Variants in RECK observed in about 807,000 individuals in gnomAD.
RECK encodes the protein reversion inducing cysteine rich protein with kazal motifs.
In RECK, 69 loss-of-function variants were observed where a neutral mutation model predicts 115.1. The ratio of observed to expected loss-of-function variants is 0.60; its 90% CI spans 0.49 to 0.73. RECK has a LOEUF of 0.73. Ranked by LOEUF, RECK falls within the 30% of genes least tolerant of loss-of-function variation. The pLI, the probability that RECK is intolerant of heterozygous loss-of-function variation, is 0.00. For synonymous variants in RECK, 414 were observed against 419.7 expected (o/e 0.99, Z 0.17); for missense variants, 1,047 against 1,203.7 (o/e 0.87, Z 1.93).
intron 10 of RECK, among the ~76,000 whole-genome samples, chr9:36,093,395 TAAAG>T (rs141332797): frequency 0.025 from 3,807 of 152,044 alleles, 171 homozygotes; most frequent in African/African-American, 0.086. Flanking sequence ...AATTAGCAGA[TAAAG>T]AATCTAATTA....
rs770279167 is a variant in RECK at position 36,087,912 on chromosome 9, G to A, written c.856G>A (p.Asp286Asn). 8 of 1,613,394 alleles carry A rather than the reference G, an allele frequency of 5.0e-6. No individual in the cohort carries two copies. Among genetic ancestry groups the A allele is most frequent in the African/African-American group, 4.0e-5 (3 of 74,866 alleles). The change falls in exon 9 of 21, where the codon GAT (aspartate) becomes AAT (asparagine). Residue 286 changes from aspartate (D) to asparagine (N), a missense_variant. Physicochemically the swap from Asp to Asn is conservative, Grantham distance 23. Transcript: ENST00000377966. ...ACACCCTCCTCCCTCTACAGGCCTC[G>A]ATGGGGCTAAATTGCATTGTTGTTC... is the stretch of plus-strand genomic sequence containing the variant. ...TVHPPPSTGL[D>N]GAKLHCCSKA...
intron 4 of RECK, among the ~76,000 whole-genome samples, chr9:36,062,636 C>T (rs1821822957): frequency 6.6e-6 from 1 of 151,840 alleles, no homozygotes; most frequent in African/African-American, 2.4e-5. Flanking sequence ...TGCCACCATG[C>T]CCAGCTAATT....
intron 12 of RECK, among the ~76,000 whole-genome samples, chr9:36,103,685 C>T (rs113319551): frequency 7.0e-4 from 106 of 152,188 alleles, no homozygotes; most frequent in African/African-American, 2.5e-3. Context: ...TGGTAGTATT[C>T]GCCATATTTT....
chr9:36,068,081 G>C (rs1038723194), intron 6 of RECK, among the ~76,000 whole-genome samples: 1 of 152,158 alleles, frequency 6.6e-6, no homozygotes. Flanking sequence ...ATTAATGAGA[G>C]GGTGATGATG....
chr9:36,049,725 A>G (rs1351269562), intron 1 of RECK, among the ~76,000 whole-genome samples: 3 of 152,210 alleles, frequency 2.0e-5, no homozygotes, highest in Non-Finnish European at 4.4e-5. Context: ...AGGCCAGTCA[A>G]ATTATTTATT....
chr9:36,082,245 G>A (rs991780521), intron 7 of RECK, among the ~76,000 whole-genome samples: 2 of 150,340 alleles, frequency 1.3e-5, no homozygotes, highest in Non-Finnish European at 3.0e-5. Context: ...GTGTGGTGGC[G>A]AGATCTTGGC....
chr9:36,067,730 T>A (rs900209290), intron 6 of RECK, among the ~76,000 whole-genome samples: 50 of 152,316 alleles, frequency 3.3e-4, no homozygotes, highest in African/African-American at 1.1e-3. Context: ...TAAGCAACTT[T>A]TAGCATAACT....
chr9:36,122,769 G>T, intron 20 of RECK, 55 bp from the exon 21 acceptor site: 1 of 1,432,978 alleles, frequency 7.0e-7, no homozygotes, highest in Non-Finnish European at 9.8e-7. Context: ...TGTCTGGCTT[G>T]ATGTTGAAAA....
intron 16 of RECK, among the ~76,000 whole-genome samples, chr9:36,115,187 C>T (rs1251353209): frequency 3.3e-5 from 5 of 151,952 alleles, no homozygotes; most frequent in African/African-American, 4.8e-5. Context: ...TGGTGGCACA[C>T]GCCTGTAATT....
intron 6 of RECK, among the ~76,000 whole-genome samples, chr9:36,075,283 T>C (rs1822405375): frequency 6.6e-6 from 1 of 152,258 alleles, no homozygotes; most frequent in South Asian, 2.1e-4. Flanking sequence ...TGTGCTAGGC[T>C]GTCTTCTAGA....
chr9:36,046,966 A>T (rs1821091262), intron 1 of RECK, among the ~76,000 whole-genome samples: 1 of 152,180 alleles, frequency 6.6e-6, no homozygotes, highest in Non-Finnish European at 1.5e-5. Flanking sequence ...TTCTGTTTGA[A>T]ATAGACCTTT....
At chr9:36,092,458 G>A (rs11788454) in intron 10 of RECK, among the ~76,000 whole-genome samples, 45,945 of 150,734 alleles carry the variant, frequency 0.3, 8,351 homozygotes, top group Middle Eastern at 0.47. Context: ...TGCAACCTCC[G>A]CCTCCTGGAT....
chr9:36,075,902 AT>A (rs140096111), intron 6 of RECK, among the ~76,000 whole-genome samples: 13,332 of 151,804 alleles, frequency 0.088, 717 homozygotes, highest in East Asian at 0.29. Flanking sequence ...CAAACCTGTA[AT>A]TTTTTTTTAC....
At chr9:36,050,378 A>G (rs561990500) in intron 1 of RECK, among the ~76,000 whole-genome samples, 1 of 152,114 alleles carries the variant, frequency 6.6e-6, no homozygotes, top group African/African-American at 2.4e-5. Flanking sequence ...TTTCTTCCAT[A>G]TTTCACTTCC....
At chr9:36,062,204 C>T (rs1041951581) in intron 4 of RECK, among the ~76,000 whole-genome samples, 1 of 149,386 alleles carries the variant, frequency 6.7e-6, no homozygotes, top group Non-Finnish European at 1.5e-5. Flanking sequence ...TCTTCTTGCC[C>T]AGGCTGGAGT....
chr9:36,082,188 C>CTCTCTCTCTCTCTCTCT (rs1401784584), intron 7 of RECK, among the ~76,000 whole-genome samples: 240 of 146,488 alleles, frequency 1.6e-3, no homozygotes, highest in East Asian at 3.0e-3. Context: ...CTCTCTCTCT[C>CTCTCTCTCTCTCTCTCT]CTTTTTTCTT....
intron 1 of RECK, among the ~76,000 whole-genome samples, chr9:36,046,308 C>T (rs1406745440): frequency 6.6e-6 from 1 of 152,124 alleles, no homozygotes; most frequent in African/African-American, 2.4e-5. Flanking sequence ...TTTAGTTGCT[C>T]TGAAAAAGAT....
At chr9:36,102,286 T>G (rs937578536) in intron 12 of RECK, 56 bp downstream of exon 12, 1 of 1,441,086 alleles carries the variant, frequency 6.9e-7, no homozygotes, top group Non-Finnish European at 9.5e-7. Flanking sequence ...CTCTTCCAAC[T>G]ATTTGTTTTA....
At chr9:36,058,979 A>G (rs1191866791) in intron 3 of RECK, 78 bp downstream of exon 3, 4 of 942,166 alleles carry the variant, frequency 4.2e-6, no homozygotes, top group South Asian at 4.9e-5. Context: ...AGAGTTAGCA[A>G]ATTTTTAAAT....
Sources: gnomAD v4.1 joint callset for allele counts (sites outside exome capture counted in the v4.1 genomes callset) on GRCh38, gnomAD v4.1.1 for gene constraint, MANE v1.5 for transcripts, NCBI Gene and HGNC (gene_info 2026-07-23, HGNC 2026-07-21) for gene names.